Variants in HAGH observed in about 807,000 individuals in gnomAD.
The protein encoded by HAGH is hydroxyacylglutathione hydrolase.
In HAGH, 29 loss-of-function variants were observed where a neutral mutation model predicts 35.1. The ratio of observed to expected loss-of-function variants is 0.83; its 90% CI spans 0.62 to 1.13. HAGH has a LOEUF of 1.13. HAGH is among the 50% of genes most tolerant of loss of function. HAGH has a pLI of 0.00. For synonymous variants in HAGH, 225 were observed against 176.1 expected (o/e 1.28, Z -2.20); for missense variants, 478 against 419.6 (o/e 1.14, Z -1.22).
intron 7 of HAGH, among the ~76,000 whole-genome samples, chr16:1,814,934 C>CAA (rs774619435): frequency 0.14 from 18,629 of 137,888 alleles, 1,500 homozygotes; most frequent in South Asian, 0.22. Context: ...TGTATATACA[C>CAA]ACACACACAC....
At chr16:1,813,689 C>T (rs1371538788) in intron 7 of HAGH, among the ~76,000 whole-genome samples, 1 of 152,220 alleles carries the variant, frequency 6.6e-6, no homozygotes, top group East Asian at 1.9e-4. Flanking sequence ...GCTAGCTTTT[C>T]TGATAGAAGT....
At chr16:1,818,281 G>A (rs539166181) in intron 5 of HAGH, among the ~76,000 whole-genome samples, 9 of 152,112 alleles carry the variant, frequency 5.9e-5, no homozygotes, top group East Asian at 1.9e-4. Flanking sequence ...CTCCCACACC[G>A]GCACCACCCA....
intron 7 of HAGH, chr16:1,810,184 G>C (rs770702448): frequency 7.5e-5 from 20 of 267,284 alleles, no homozygotes; most frequent in Non-Finnish European, 1.2e-4. Flanking sequence ...AACACCTCCT[G>C]GTAACCTTAG....
intron 7 of HAGH, among the ~76,000 whole-genome samples, chr16:1,811,970 C>G (rs1475069875): frequency 6.6e-6 from 1 of 152,092 alleles, no homozygotes; most frequent in African/African-American, 2.4e-5. Context: ...GCAGGAGGAT[C>G]ACTTGAGCCC....
chr16:1,826,676 C>T, intron 1 of HAGH, 36 bp downstream of exon 1: 1 of 979,952 alleles, frequency 1.0e-6, no homozygotes, highest in Non-Finnish European at 1.2e-6. Context: ...CCGCCAGGCC[C>T]GCGTCCCCCG....
intron 7 of HAGH, among the ~76,000 whole-genome samples, chr16:1,814,914 AAT>A (rs1897821339): frequency 7.9e-6 from 1 of 126,066 alleles, no homozygotes; most frequent in African/African-American, 3.0e-5. Flanking sequence ...CAAACAAATA[AAT>A]ATATATATGT....
At chr16:1,824,043 G>A (rs2142052205) in intron 1 of HAGH, among the ~76,000 whole-genome samples, 1 of 152,162 alleles carries the variant, frequency 6.6e-6, no homozygotes, top group South Asian at 2.1e-4. Context: ...TGCCACCACT[G>A]ACTAAGCGAG....
At position 1,819,926 on chromosome 16, in the gene HAGH, G is replaced by A; in HGVS notation, c.403C>T (p.His135Tyr). 2 of 1,611,852 alleles carry A rather than the reference G, an allele frequency of 1.2e-6. No homozygotes were observed. Among genetic ancestry groups the A allele is most frequent in the Non-Finnish European group, 8.5e-7 (1 of 1,178,208 alleles). The change falls in exon 4 of 9, where the codon CAC becomes TAC. Residue 135 changes from histidine (H) to tyrosine (Y), a missense_variant. Transcript: ENST00000397356. The part of the protein sequence containing the change: ...GGDDRIGALT[H>Y]KITHLSTLQV... ...AGTGTGGACAGGTGAGTGATCTTGTGAGTCAGGGCCCCGATACGGTCGTCA... is the reference window on the plus strand; with the variant it reads ...AGTGTGGACAGGTGAGTGATCTTGTAAGTCAGGGCCCCGATACGGTCGTCA...
At chr16:1,823,369 G>A (rs1371270548) in intron 1 of HAGH, among the ~76,000 whole-genome samples, 3 of 150,560 alleles carry the variant, frequency 2.0e-5, no homozygotes, top group South Asian at 2.1e-4. Context: ...CCAGGTTCAC[G>A]CCGTTCTCCT....
At chr16:1,818,945 T>A (rs1477401171) in intron 5 of HAGH, 170 bp downstream of exon 5, 2 of 599,434 alleles carry the variant, frequency 3.3e-6, no homozygotes, top group Non-Finnish European at 6.0e-6. Flanking sequence ...TCCAAACCCA[T>A]CATGGGAGGA....
At chr16:1,819,596 G>T (rs1420409152) in intron 4 of HAGH, among the ~76,000 whole-genome samples, 1 of 152,190 alleles carries the variant, frequency 6.6e-6, no homozygotes, top group Non-Finnish European at 1.5e-5. Context: ...CCTCAAAAAG[G>T]CTGAAGACAC....
Position 1,822,378 on chromosome 16 carries a change from G to T in HAGH, c.250-14C>A. Reference sequence around the variant, plus strand: ...CGCGTCCACGACCTGCAGTGGCCCCGGGGAAGGACAAAGGCCTGTCACACT... The same window carrying T: ...CGCGTCCACGACCTGCAGTGGCCCCTGGGAAGGACAAAGGCCTGTCACACT... On this transcript the variant is annotated splice_polypyrimidine_tract_variant and intron_variant, in intron 2 of 8. Transcript: ENST00000397356. 6.3e-7 allele frequency: 1 copy of T among 1,599,866 alleles called. No individual in the cohort carries two copies. Among genetic ancestry groups the T allele is most frequent in the Non-Finnish European group, 8.5e-7 (1 of 1,169,782 alleles).
At chr16:1,820,674 G>A (rs1332987004) in intron 3 of HAGH, among the ~76,000 whole-genome samples, 1 of 152,142 alleles carries the variant, frequency 6.6e-6, no homozygotes, top group Non-Finnish European at 1.5e-5. Context: ...GCCCTTCCCG[G>A]GTCTCACATG....
At chr16:1,823,637 G>A (rs1007211203) in intron 1 of HAGH, among the ~76,000 whole-genome samples, 5 of 150,270 alleles carry the variant, frequency 3.3e-5, no homozygotes, top group South Asian at 2.1e-4. Context: ...CAGCTACTCC[G>A]GAGGCTGAGG....
At chr16:1,826,865 C>G, upstream of HAGH, 1 of 902,726 alleles carries the variant, frequency 1.1e-6, no homozygotes, top group Non-Finnish European at 1.5e-6. Flanking sequence ...CAATCAGCGC[C>G]CGCCTCGCGC....
chr16:1,817,977 GTGC>G (rs1233046487), intron 5 of HAGH, among the ~76,000 whole-genome samples: 4 of 152,256 alleles, frequency 2.6e-5, no homozygotes, highest in Non-Finnish European at 4.4e-5. Context: ...GCATGCAGCG[GTGC>G]TGGGCACAGG....
chr16:1,826,563 C>T, intron 1 of HAGH, 149 bp downstream of exon 1: 3 of 976,328 alleles, frequency 3.1e-6, no homozygotes, highest in Non-Finnish European at 3.6e-6. Context: ...TCAGCGCCTG[C>T]GCCGCCTCCG....
chr16:1,818,821 G>C, intron 5 of HAGH: 1 of 398,284 alleles, frequency 2.5e-6, no homozygotes, highest in Non-Finnish European at 4.7e-6. Context: ...GCCACCCCTC[G>C]CCCTGCTGGA....
chr16:1,815,266 C>T (rs1338382919), intron 7 of HAGH, among the ~76,000 whole-genome samples: 2 of 152,202 alleles, frequency 1.3e-5, no homozygotes, highest in Non-Finnish European at 2.9e-5. Context: ...TAGAACAGTA[C>T]AACCATTTTT....
Sources: allele counts gnomAD v4.1 joint callset (sites outside exome capture counted in the v4.1 genomes callset), GRCh38; gene constraint gnomAD v4.1.1; transcripts MANE v1.5; gene names NCBI Gene and HGNC (gene_info 2026-07-23, HGNC 2026-07-21).